The following NEIL3 variants were observed in gnomAD, a reference collection of about 807,000 sequenced individuals.
NEIL3 encodes the protein endonuclease 8-like 3.
In NEIL3, 48 loss-of-function variants were observed where a neutral mutation model predicts 57.5. That is an observed-to-expected ratio of 0.83 (90% CI 0.66 to 1.06). The LOEUF is 1.06. Ranked by LOEUF, NEIL3 falls within the 50% of genes least tolerant of loss-of-function variation. The pLI, the probability that NEIL3 is intolerant of heterozygous loss-of-function variation, is 0.00. For missense variants in NEIL3, 717 were observed against 739.1 expected, an observed-to-expected ratio of 0.97 and a Z score of 0.35; for synonymous variants, 261 against 253.2, an observed-to-expected ratio of 1.03 and a Z score of -0.29.
chr4:177,354,044 G>T, intron 8 of NEIL3: 1 of 244,962 alleles, frequency 4.1e-6, no homozygotes. Context: ...GGGATTTACA[G>T]GCTTGAGCCA....
intron 6 of NEIL3, among the ~76,000 whole-genome samples, chr4:177,345,858 T>A (rs34816559): frequency 2.7e-4 from 41 of 151,330 alleles, no homozygotes; most frequent in African/African-American, 9.7e-4. Flanking sequence ...CCTGGCTAAT[T>A]TTTTGTATTT....
At chr4:177,346,950 C>T (rs1473397235) in intron 6 of NEIL3, among the ~76,000 whole-genome samples, 4 of 150,446 alleles carry the variant, frequency 2.7e-5, no homozygotes, top group East Asian at 3.9e-4. Flanking sequence ...TGCAGTGAGC[C>T]GAGATCGCGC....
intron 8 of NEIL3, among the ~76,000 whole-genome samples, chr4:177,358,169 T>C (rs985312260): frequency 7.9e-5 from 12 of 152,186 alleles, no homozygotes; most frequent in Non-Finnish European, 1.6e-4. Flanking sequence ...AGATTCTGAT[T>C]CTGCAGGCAA....
rs549203579 is a variant in NEIL3 at position 177,330,530 on chromosome 4, GA to G, written c.279-5150del. On this transcript the variant is annotated intron_variant, in intron 2 of 9. Coordinates refer to ENST00000264596, the MANE Select transcript of NEIL3 (RefSeq NM_018248.3). ...GGAATTTAAAAATGAAAGCAATAGA[GA>G]AAAAAAATCAATGAAGCAAATAATT... Among the ~76,000 whole-genome samples, 122 of 151,500 alleles carry G rather than the reference GA, an allele frequency of 8.1e-4. 2 individuals carry two copies. The Middle Eastern group carries it at 0.011, about 13-fold the overall frequency.
intron 1 of NEIL3, among the ~76,000 whole-genome samples, chr4:177,312,455 G>GTGTCTACC (rs1457379586): frequency 2.0e-5 from 3 of 152,132 alleles, no homozygotes; most frequent in Admixed American, 1.3e-4. Flanking sequence ...ATTTTTGGCT[G>GTGTCTACC]TGTCTACCAC....
chr4:177,348,000 A>G (rs556057053), intron 6 of NEIL3, among the ~76,000 whole-genome samples: 3 of 152,168 alleles, frequency 2.0e-5, no homozygotes, highest in Non-Finnish European at 2.9e-5. Flanking sequence ...TTACGGCTAG[A>G]TGAGAAAACT....
At chr4:177,335,367 A>G (rs1249571213) in intron 2 of NEIL3, among the ~76,000 whole-genome samples, 1 of 152,210 alleles carries the variant, frequency 6.6e-6, no homozygotes, top group Admixed American at 6.5e-5. Context: ...TGTTCCATGA[A>G]TAAAAGATAC....
chr4:177,363,605 A>C (rs1309966433), downstream of NEIL3, among the ~76,000 whole-genome samples: 1 of 152,212 alleles, frequency 6.6e-6, no homozygotes, highest in Non-Finnish European at 1.5e-5. Flanking sequence ...TAAAGAGGAA[A>C]AAAGGTCCAC....
chr4:177,367,570 A>G (rs1412713537), downstream of NEIL3, among the ~76,000 whole-genome samples: 1 of 152,290 alleles, frequency 6.6e-6, no homozygotes, highest in South Asian at 2.1e-4. Flanking sequence ...CATCAACCAC[A>G]TTGACTCCCA....
At chr4:177,360,835 A>T (rs1735594316) in intron 9 of NEIL3, among the ~76,000 whole-genome samples, 158 bp downstream of exon 9, 1 of 152,234 alleles carries the variant, frequency 6.6e-6, no homozygotes, top group East Asian at 1.9e-4. Context: ...GACTAACTTA[A>T]AATTCAGATG....
chr4:177,352,996 C>T (rs1436293113), intron 7 of NEIL3, among the ~76,000 whole-genome samples: 1 of 152,094 alleles, frequency 6.6e-6, no homozygotes, highest in Non-Finnish European at 1.5e-5. Flanking sequence ...TAATGCTTTG[C>T]CTAATATTAG....
In NEIL3 at chr4:177,309,914, C is replaced by T; in HGVS notation, c.-40C>T. 1 of 1,595,850 alleles carries T rather than the reference C, an allele frequency of 6.3e-7. No individual in the cohort carries two copies. The highest frequency in any genetic ancestry group is 8.5e-7 in the Non-Finnish European group (1 of 1,172,388). On this transcript the variant is annotated 5_prime_UTR_variant, in exon 1 of 10. Coordinates refer to ENST00000264596, the MANE Select transcript of NEIL3 (RefSeq NM_018248.3). ...TTGAGTTGCACAGCGGTATTCTCAC[C>T]AGGCCCTGCAATCGGTGGGCCACAG...
At chr4:177,350,381 G>A (rs1044174400) in intron 6 of NEIL3, among the ~76,000 whole-genome samples, 1 of 152,132 alleles carries the variant, frequency 6.6e-6, no homozygotes, top group Non-Finnish European at 1.5e-5. Context: ...TGTCACAGCC[G>A]TATAAAGGCA....
chr4:177,325,725 G>A (rs1734767804), intron 2 of NEIL3, among the ~76,000 whole-genome samples: 1 of 152,038 alleles, frequency 6.6e-6, no homozygotes. Context: ...ACCTGGTATT[G>A]TCAGTTGTGT....
intron 1 of NEIL3, among the ~76,000 whole-genome samples, chr4:177,317,776 G>C (rs897270837): frequency 6.6e-6 from 1 of 151,290 alleles, no homozygotes; most frequent in Non-Finnish European, 1.5e-5. Context: ...TAATTTTTGT[G>C]TTTTTAGTAG....
chr4:177,323,600 A>G (rs527972349), intron 2 of NEIL3, among the ~76,000 whole-genome samples: 32 of 152,312 alleles, frequency 2.1e-4, no homozygotes, highest in African/African-American at 6.3e-4. Context: ...TGATAACATC[A>G]GCATATGCCT....
chr4:177,337,652 C>G (rs1735003551), intron 4 of NEIL3, among the ~76,000 whole-genome samples: 1 of 152,300 alleles, frequency 6.6e-6, no homozygotes, highest in East Asian at 1.9e-4. Flanking sequence ...TGCATCCAGC[C>G]ATCCATCCAT....
chr4:177,366,319 T>G (rs183122335), downstream of NEIL3, among the ~76,000 whole-genome samples: 1 of 152,218 alleles, frequency 6.6e-6, no homozygotes, highest in Non-Finnish European at 1.5e-5. Flanking sequence ...TGTTACCATA[T>G]TAATTCTAAT....
At chr4:177,351,632 T>C in intron 7 of NEIL3, 83 bp downstream of exon 7, 1 of 1,081,752 alleles carries the variant, frequency 9.2e-7, no homozygotes, top group Non-Finnish European at 1.3e-6. Flanking sequence ...TTGCTCCATC[T>C]TGATATTCCA....
Sources: gnomAD v4.1 joint callset for allele counts (sites outside exome capture counted in the v4.1 genomes callset) on GRCh38, gnomAD v4.1.1 for gene constraint, MANE v1.5 for transcripts, NCBI Gene and HGNC (gene_info 2026-07-23, HGNC 2026-07-21) for gene names.